The following DAPK2 variants were observed in gnomAD, a reference collection of about 807,000 sequenced individuals.
DAPK2 encodes death associated protein kinase 2.
DAPK2 carries 35 observed loss-of-function variants against 44.1 expected under a neutral mutation model. The ratio of observed to expected loss-of-function variants is 0.79; its 90% CI spans 0.61 to 1.05. The LOEUF (loss-of-function observed/expected upper bound fraction) is 1.05. DAPK2 is among the 50% of genes least tolerant of loss of function. The probability of loss-of-function intolerance (pLI) is 0.00; values close to 1 mark genes in which losing one functional copy is unlikely to be tolerated. For missense variants in DAPK2, 453 were observed against 483.2 expected (o/e 0.94, Z 0.59); for synonymous variants, 174 against 182.6 (o/e 0.95, Z 0.38).
chr15:63,965,003 T>C (rs1173193485), intron 3 of DAPK2, among the ~76,000 whole-genome samples: 2 of 152,212 alleles, frequency 1.3e-5, no homozygotes, highest in Admixed American at 6.5e-5. Context: ...GTTTTGATGC[T>C]TGTGGACGTT....
chr15:64,036,492 G>GC lies in DAPK2; in HGVS notation c.92+3677dup, dbSNP rs746875076. Among the ~76,000 whole-genome samples, 270 of 151,172 alleles carry GC rather than the reference G, an allele frequency of 1.8e-3. 4 individuals are homozygous for GC. The highest frequency in any genetic ancestry group is 3.4e-4 in the Non-Finnish European group (23 of 67,788). ...ACAGCACCCCAGAAATCCCTTTTGT[G>GC]CCCCCTTCCAGTCACTAGTCCCCAA... On this transcript the variant is annotated intron_variant, in intron 1 of 10. Coordinates refer to ENST00000261891, the Ensembl canonical transcript of DAPK2.
At chr15:63,919,404 C>A (rs2019693) in intron 8 of DAPK2, 2 of 152,192 alleles carry the variant, frequency 1.3e-5, no homozygotes, top group African/African-American at 4.8e-5. Flanking sequence ...GATTCTAAAA[C>A]AACCACTTCT....
chr15:63,920,962 T>C (rs2079056457), intron 8 of DAPK2: 1 of 152,360 alleles, frequency 6.6e-6, no homozygotes, highest in South Asian at 2.1e-4. Flanking sequence ...GTGTCACTGC[T>C]TCAGGACGCT....
In DAPK2 at chr15:63,944,394, C is replaced by A. The variant is rs188466526; in HGVS notation, c.454-5033G>T. Among the ~76,000 whole-genome samples the A allele has an allele frequency of 3.1e-3, 476 of 152,292 alleles. 2 individuals carry two copies. The highest frequency in any genetic ancestry group is 5.7e-3 in the Non-Finnish European group (386 of 68,010). On this transcript the variant is annotated intron_variant, in intron 3 of 10. Coordinates refer to ENST00000261891, the Ensembl canonical transcript of DAPK2. Reference sequence around the variant, plus strand: ...CCTAGGCCACCAAGGTACCTATAGGCTGGCCAGGGGATTTGGGCCCCTAAA... The same window carrying A: ...CCTAGGCCACCAAGGTACCTATAGGATGGCCAGGGGATTTGGGCCCCTAAA...
intron 1 of DAPK2, among the ~76,000 whole-genome samples, chr15:63,984,403 A>G (rs1421720838): frequency 1.3e-5 from 2 of 152,108 alleles, no homozygotes; most frequent in Non-Finnish European, 2.9e-5. Flanking sequence ...AGGCACTAGT[A>G]CCCAGGGCTG....
At chr15:63,995,612 C>T (rs1178416435) in intron 1 of DAPK2, among the ~76,000 whole-genome samples, 2 of 152,240 alleles carry the variant, frequency 1.3e-5, no homozygotes, top group East Asian at 1.9e-4. Context: ...TTGTTGGTCA[C>T]TCCATGCAGG....
At position 63,990,748 on chromosome 15, in the gene DAPK2, G is replaced by A. The variant is rs548123158; in HGVS notation, c.93-6994C>T. Among the ~76,000 whole-genome samples, 19 of 152,300 alleles carry A rather than the reference G, an allele frequency of 1.2e-4. No homozygotes were observed. Among genetic ancestry groups the A allele is most frequent in the Middle Eastern group, 3.4e-3 (1 of 294 alleles). On this transcript the variant is annotated intron_variant, in intron 1 of 10. Transcript: ENST00000261891. The surrounding 1 kb of genome is among the most constrained non-coding windows in gnomAD (Gnocchi z 4.3). ...GCCGTGATTCCTCTGGAATTACCCT[G>A]CGAGGTTTCAGGGCCATAGGGCAGG...
rs916586566 is a variant in DAPK2, at chr15:63,942,335, T to C, written c.454-2974A>G. The C allele has an allele frequency of 9.3e-6, 7 of 749,546 alleles. No homozygotes were observed. In the African/African-American group the frequency reaches 9.5e-5, roughly 10 times the overall value. 46.4% of individuals were successfully genotyped at this position (749,546 alleles called of 1,614,324 possible). A position where few individuals can be genotyped will look rare whatever the true frequency, so the allele number is the denominator to read the frequency against. ...GGAGGCCAAGGCAGGGGGTATCACC[T>C]GAGGTCAGGCGTTCGAGACCAGCCT... On this transcript the variant is annotated intron_variant, in intron 3 of 10. Coordinates refer to ENST00000261891, the Ensembl canonical transcript of DAPK2.
chr15:63,982,187 C>CTTTTTTTTTTTTTTTTTTTTTTTTT (rs5813271), intron 2 of DAPK2, among the ~76,000 whole-genome samples: 1 of 107,874 alleles, frequency 9.3e-6, no homozygotes, highest in Non-Finnish European at 1.8e-5. Flanking sequence ...TCAGAATATT[C>CTTTTTTTTTTTTTTTTTTTTTTTTT]TTTTTTTTTT....
rs892978946 is a variant in DAPK2 at position 63,980,102 on chromosome 15, G to T, written c.314+3431C>A. 6.6e-6 allele frequency among the ~76,000 whole-genome samples: 1 copy of T among 152,222 alleles called. No individual in the cohort carries two copies. Among genetic ancestry groups the T allele is most frequent in the South Asian group, 2.1e-4 (1 of 4,808 alleles). ...ACAATGAGACAGCTTGGAAGTGAAG[G>T]GGGAGACAGAAACGGGACAGAACTT... On this transcript the variant is annotated intron_variant, in intron 2 of 10. Coordinates refer to ENST00000261891, the Ensembl canonical transcript of DAPK2. The surrounding 1 kb of genome is among the most constrained non-coding windows in gnomAD (Gnocchi z 4.3).
intron 1 of DAPK2, among the ~76,000 whole-genome samples, chr15:63,995,661 C>T (rs1002299064): frequency 6.6e-6 from 1 of 152,246 alleles, no homozygotes; most frequent in African/African-American, 2.4e-5. Flanking sequence ...AGGGGACCCA[C>T]TGCCATCCCT....
At chr15:63,929,065 TGGTG>T (rs1395818298) in intron 6 of DAPK2, among the ~76,000 whole-genome samples, 1 of 151,896 alleles carries the variant, frequency 6.6e-6, no homozygotes, top group East Asian at 1.9e-4. Context: ...CCAGGTGTGG[TGGTG>T]GGTGCCTGTA....
rs1241957073 is a variant in DAPK2, at chr15:63,948,132, G to A, written c.454-8771C>T. ...AAAAATGCAAAAAAATTAGCTGGGT[G>A]TGATGGCACACACCTGTAATCCCAG... On this transcript the variant is annotated intron_variant, in intron 3 of 10. Coordinates refer to ENST00000261891, the Ensembl canonical transcript of DAPK2. Among the ~76,000 whole-genome samples, 9 of 152,096 alleles carry A rather than the reference G, an allele frequency of 5.9e-5. No individual in the cohort carries two copies. The East Asian group carries it at 1.7e-3, about 29-fold the overall frequency.
chr15:64,015,128 G>A (rs142329009), intron 1 of DAPK2, among the ~76,000 whole-genome samples: 1 of 152,130 alleles, frequency 6.6e-6, no homozygotes, highest in Non-Finnish European at 1.5e-5. Context: ...AGCAGGAAAG[G>A]GTACCGTGTG....
intron 3 of DAPK2, among the ~76,000 whole-genome samples, chr15:63,960,976 G>A (rs2077883414): frequency 6.6e-6 from 1 of 152,178 alleles, no homozygotes; most frequent in African/African-American, 2.4e-5. Context: ...TATTGTGTGG[G>A]AATCTAAGTC....
chr15:63,929,952 C>T, intron 5 of DAPK2: 1 of 447,434 alleles, frequency 2.2e-6, no homozygotes, highest in Non-Finnish European at 4.3e-6. Context: ...AGGTGCTTGG[C>T]CAACTATAAA....
intron 1 of DAPK2, among the ~76,000 whole-genome samples, chr15:63,988,795 C>T (rs897029373): frequency 6.6e-6 from 1 of 151,950 alleles, no homozygotes; most frequent in African/African-American, 2.4e-5. Context: ...CATGAGCCAC[C>T]GCGCCCGGCC....
chr15:63,973,248 G>A (rs578072826), intron 2 of DAPK2, among the ~76,000 whole-genome samples: 3 of 152,340 alleles, frequency 2.0e-5, no homozygotes, highest in South Asian at 2.1e-4. Context: ...GCTTTCACCT[G>A]GATTTCACAA....
intron 2 of DAPK2, among the ~76,000 whole-genome samples, chr15:63,972,616 T>C (rs2078243456): frequency 6.6e-6 from 1 of 152,206 alleles, no homozygotes; most frequent in Admixed American, 6.5e-5. Flanking sequence ...GCCCTAGTGT[T>C]TTATAGGAGG....
Sources: gnomAD v4.1 joint callset for allele counts (sites outside exome capture counted in the v4.1 genomes callset) on GRCh38, gnomAD v4.1.1 for gene constraint, Gnocchi (gnomAD v3.1) non-coding constraint, MANE v1.5 for transcripts, NCBI Gene and HGNC (gene_info 2026-07-23, HGNC 2026-07-21) for gene names.